The following SLX9 variants were observed in gnomAD, a reference collection of about 807,000 sequenced individuals.
SLX9 encodes ribosome biogenesis protein SLX9 homolog.
Under a neutral mutation model 20.8 loss-of-function variants are expected in SLX9, and 19 were observed. That is an observed-to-expected ratio of 0.91 (90% CI 0.64 to 1.34). The LOEUF is 1.34. SLX9 is among the 40% of genes most tolerant of loss of function. The pLI is 0.00. For missense variants in SLX9, 299 were observed against 322.2 expected (o/e 0.93, Z 0.55); for synonymous variants, 113 against 137.1 (o/e 0.82, Z 1.23).
At chr21:44,968,248 G>A (rs777859322) in intron 4 of SLX9, among the ~76,000 whole-genome samples, 11 of 151,052 alleles carry the variant, frequency 7.3e-5, no homozygotes, top group Non-Finnish European at 1.5e-4. Context: ...ACCCGGTGAC[G>A]CAACCCCCAG....
Position 44,953,302 on chromosome 21 carries a change from G to C in SLX9, c.284-6798G>C, listed in dbSNP as rs939263555. ...CTGATGTGTGCTTGTCTGAGGTGTA[G>C]GCAGGTCGTGGAGGCTGTCTTGCGA... is the stretch of plus-strand genomic sequence containing the variant. On this transcript the variant is annotated intron_variant, in intron 2 of 5. Coordinates refer to ENST00000291634, the MANE Select transcript of SLX9 (RefSeq NM_058190.4). Among the ~76,000 whole-genome samples, 3 of 152,196 alleles carry C rather than the reference G, an allele frequency of 2.0e-5. No individual in the cohort carries two copies. In the South Asian group the frequency reaches 6.2e-4, roughly 31 times the overall value.
chr21:44,969,784 C>T (rs1341109487), intron 4 of SLX9, among the ~76,000 whole-genome samples: 6 of 152,192 alleles, frequency 3.9e-5, no homozygotes, highest in Non-Finnish European at 7.3e-5. Context: ...CTTAGGTTTC[C>T]TTCATTTTTC....
chr21:44,944,816 C>G (rs1454887176), intron 2 of SLX9, among the ~76,000 whole-genome samples: 1 of 152,216 alleles, frequency 6.6e-6, no homozygotes, highest in African/African-American at 2.4e-5. Context: ...GGCCTCTGCC[C>G]CTCACCGCCT....
At chr21:44,970,581 C>T (rs1257109909) in intron 4 of SLX9, among the ~76,000 whole-genome samples, 1 of 152,212 alleles carries the variant, frequency 6.6e-6, no homozygotes, top group Non-Finnish European at 1.5e-5. Flanking sequence ...GTTTGGCGTG[C>T]CTGGGCGGCG....
chr21:44,941,821 C>T (rs1217440550), intron 1 of SLX9, among the ~76,000 whole-genome samples: 1 of 152,238 alleles, frequency 6.6e-6, no homozygotes, highest in Non-Finnish European at 1.5e-5. Context: ...CTGCCCTCTG[C>T]ATCTGTCACC....
chr21:44,954,958 A>G (rs959599866), intron 2 of SLX9, among the ~76,000 whole-genome samples: 6 of 152,212 alleles, frequency 3.9e-5, no homozygotes, highest in African/African-American at 1.4e-4. Context: ...TCACACCTGC[A>G]GTCCCAGCAC....
intron 4 of SLX9, among the ~76,000 whole-genome samples, chr21:44,968,630 A>C (rs919665033): frequency 1.5e-4 from 23 of 151,902 alleles, no homozygotes; most frequent in Admixed American, 3.9e-4. Context: ...GTGGGTGCTG[A>C]GGCTCTGGGC....
chr21:44,968,588 C>T (rs2085083061), intron 4 of SLX9, among the ~76,000 whole-genome samples: 1 of 152,204 alleles, frequency 6.6e-6, no homozygotes. Flanking sequence ...AGCCTCTGCC[C>T]TTCCCCTGTG....
At chr21:44,955,207 C>CAAAA (rs560489212) in intron 2 of SLX9, among the ~76,000 whole-genome samples, 1 of 138,784 alleles carries the variant, frequency 7.2e-6, no homozygotes, top group Non-Finnish European at 1.5e-5. Flanking sequence ...GACTTTGTCT[C>CAAAA]AAAAAAAAAA....
chr21:44,940,175 G>A lies in SLX9; in HGVS notation c.118G>A (p.Ala40Thr), dbSNP rs930238806. The A allele has an allele frequency of 1.6e-6, 2 of 1,267,942 alleles. No individual in the cohort carries two copies. Among genetic ancestry groups the A allele is most frequent in the Non-Finnish European group, 2.0e-6 (2 of 1,003,358 alleles). The allele number at this position is 1,267,942 out of a possible 1,614,324, so 78.5% of individuals were successfully genotyped here. Residue 40 changes from alanine (A) to threonine (T), a missense_variant, in exon 1 of 6, where the codon GCC (alanine) becomes ACC (threonine). Ala to Thr is a moderately conservative substitution (Grantham distance 58, BLOSUM62 0). Transcript: ENST00000291634. ...APEATPPPAS[A>T]AGKDWAFINT... ...GGAGGCGACCCCTCCGCCGGCCTCGGCCGCGGGGAAGGTGAGCTGGGGAGG... is the reference window on the plus strand; with the variant it reads ...GGAGGCGACCCCTCCGCCGGCCTCGACCGCGGGGAAGGTGAGCTGGGGAGG...
At chr21:44,948,943 C>T (rs2084700983) in intron 2 of SLX9, among the ~76,000 whole-genome samples, 1 of 152,188 alleles carries the variant, frequency 6.6e-6, no homozygotes, top group Non-Finnish European at 1.5e-5. Flanking sequence ...AGCGCCAAGC[C>T]ACCCTCAGCC....
At chr21:44,974,432 C>A (rs1306706267) in intron 5 of SLX9, among the ~76,000 whole-genome samples, 2 of 152,232 alleles carry the variant, frequency 1.3e-5, no homozygotes, top group African/African-American at 4.8e-5. Context: ...ACCAATTATG[C>A]ACTTACTGGA....
chr21:44,944,686 G>A (rs1340904170), intron 2 of SLX9, among the ~76,000 whole-genome samples: 1 of 152,250 alleles, frequency 6.6e-6, no homozygotes, highest in Admixed American at 6.5e-5. Context: ...CAGAGCTCAG[G>A]GCACCAGTGT....
At chr21:44,953,141 G>C (rs2146632079) in intron 2 of SLX9, among the ~76,000 whole-genome samples, 1 of 152,350 alleles carries the variant, frequency 6.6e-6, no homozygotes, top group Non-Finnish European at 1.5e-5. Flanking sequence ...TGTGCAGCAG[G>C]CTCTCCTCAT....
intron 3 of SLX9, among the ~76,000 whole-genome samples, chr21:44,964,198 A>C (rs1431354710): frequency 6.6e-6 from 1 of 152,226 alleles, no homozygotes; most frequent in African/African-American, 2.4e-5. Context: ...AGTATGTTAA[A>C]ATACAATTGG....
intron 2 of SLX9, chr21:44,959,310 G>A: frequency 1.0e-6 from 1 of 968,830 alleles, no homozygotes; most frequent in Non-Finnish European, 1.2e-6. Flanking sequence ...ATGCAGCCGA[G>A]GCTGAACCGT....
intron 2 of SLX9, chr21:44,959,302 G>A: frequency 1.0e-6 from 1 of 974,580 alleles, no homozygotes; most frequent in Non-Finnish European, 1.2e-6. Context: ...TGGGGAGAAT[G>A]CAGCCGAGGC....
chr21:44,952,209 C>T (rs1044152634), intron 2 of SLX9, among the ~76,000 whole-genome samples: 3 of 152,358 alleles, frequency 2.0e-5, no homozygotes, highest in South Asian at 4.1e-4. Flanking sequence ...CTTTGTGGGC[C>T]GTGCAAGTCT....
chr21:44,960,254 C>T, intron 3 of SLX9, 86 bp downstream of exon 3: 1 of 1,287,954 alleles, frequency 7.8e-7, no homozygotes, highest in Non-Finnish European at 1.1e-6. Context: ...CACATCTGGC[C>T]TTCTACATCA....
Sources: allele counts gnomAD v4.1 joint callset (sites outside exome capture counted in the v4.1 genomes callset), GRCh38; gene constraint gnomAD v4.1.1; transcripts MANE v1.5; gene names NCBI Gene and HGNC (gene_info 2026-07-23, HGNC 2026-07-21).